Variants in PGM5 observed in about 807,000 individuals in gnomAD.
PGM5 encodes the protein phosphoglucomutase 5.
Under a neutral mutation model 59.2 loss-of-function variants are expected in PGM5, and 23 were observed. The ratio of observed to expected loss-of-function variants is 0.39; its 90% CI spans 0.28 to 0.55. The LOEUF (loss-of-function observed/expected upper bound fraction) is 0.55, where lower values mean the gene tolerates loss of function less well. Among genes scored for constraint, PGM5 ranks in the 20% least tolerant of loss-of-function variants. PGM5 has a pLI of 0.66. For missense variants in PGM5, 574 were observed against 748.3 expected (o/e 0.77, Z 2.72); for synonymous variants, 214 against 286.0 (o/e 0.75, Z 2.54).
intron 6 of PGM5, among the ~76,000 whole-genome samples, chr9:68,453,854 C>T (rs1407416457): frequency 6.6e-6 from 1 of 152,218 alleles, no homozygotes; most frequent in Admixed American, 6.5e-5. Flanking sequence ...AGGCAATATC[C>T]TGTGCTGAGT....
At chr9:68,445,732 C>A (rs1292315494) in intron 6 of PGM5, among the ~76,000 whole-genome samples, 1 of 152,198 alleles carries the variant, frequency 6.6e-6, no homozygotes, top group Non-Finnish European at 1.5e-5. Context: ...TGTATTTGGG[C>A]TCAGCAGTGC....
chr9:68,492,740 T>A (rs1824414753), intron 9 of PGM5, among the ~76,000 whole-genome samples: 1 of 152,190 alleles, frequency 6.6e-6, no homozygotes. Context: ...TTTGGACTCA[T>A]GCTCACAGCT....
At chr9:68,400,765 A>C (rs1186703211) in intron 6 of PGM5, 1 of 152,346 alleles carries the variant, frequency 6.6e-6, no homozygotes, top group African/African-American at 2.4e-5. Context: ...ATTTTTAGTA[A>C]TGATATGTGG....
intron 1 of PGM5, among the ~76,000 whole-genome samples, chr9:68,362,873 T>C (rs1322744823): frequency 1.4e-5 from 2 of 143,216 alleles, no homozygotes; most frequent in Non-Finnish European, 3.1e-5. Context: ...TTCTTTTTTT[T>C]TTTTTTTTTT....
In PGM5 at chr9:68,387,486, A is replaced by T. The variant is rs1554678947; in HGVS notation, c.595A>T (p.Ile199Phe). 2 of 1,611,046 alleles carry T rather than the reference A, an allele frequency of 1.2e-6. No individual in the cohort carries two copies. Among genetic ancestry groups the T allele is most frequent in the Non-Finnish European group, 8.5e-7 (1 of 1,177,612 alleles). The change falls in exon 4 of 11, where the codon ATC (isoleucine) becomes TTC (phenylalanine). Residue 199 changes from isoleucine (I) to phenylalanine (F), a missense_variant. Coordinates refer to ENST00000396396, the MANE Select transcript of PGM5 (RefSeq NM_021965.4). ...FRVEIVDPVD[I>F]YLNLLRTIFD... ...AGTGGAGATAGTGGACCCAGTGGAT[A>T]TCTATCTTAACCTCCTTCGGACCAT...
chr9:68,486,113 T>C (rs1824290794), intron 9 of PGM5, among the ~76,000 whole-genome samples: 1 of 152,202 alleles, frequency 6.6e-6, no homozygotes, highest in Admixed American at 6.5e-5. Context: ...ACTATAGACA[T>C]CTGAAAGACA....
chr9:68,377,471 T>A (rs1289124330), intron 1 of PGM5, among the ~76,000 whole-genome samples: 2 of 152,206 alleles, frequency 1.3e-5, no homozygotes, highest in Non-Finnish European at 2.9e-5. Flanking sequence ...AACTACTAGA[T>A]TGGATGATAT....
intron 10 of PGM5, among the ~76,000 whole-genome samples, chr9:68,513,966 A>G (rs1299081404): frequency 6.6e-6 from 1 of 152,246 alleles, no homozygotes; most frequent in Admixed American, 6.5e-5. Context: ...AAGATTTGAT[A>G]AAAAGCTTAA....
intron 6 of PGM5, among the ~76,000 whole-genome samples, chr9:68,421,523 G>A (rs1554682337): frequency 1.3e-5 from 2 of 152,058 alleles, no homozygotes; most frequent in African/African-American, 4.8e-5. Flanking sequence ...TTCAAGACCA[G>A]CCTGGCCAAC....
intron 6 of PGM5, among the ~76,000 whole-genome samples, chr9:68,415,609 AG>A (rs1823011214): frequency 9.6e-6 from 1 of 104,546 alleles, no homozygotes; most frequent in South Asian, 3.7e-4. Context: ...TCATTTCTGA[AG>A]GAAATGAAAT....
In PGM5 at chr9:68,527,693, T is replaced by C. The variant is rs114613282; in HGVS notation, c.1615-1874T>C. ...ACGGAACCGGAGGAAAGTGCCACTTTCTTGTGTTCTAGATTTTCATTTTTC... is the reference window on the plus strand; with the variant it reads ...ACGGAACCGGAGGAAAGTGCCACTTCCTTGTGTTCTAGATTTTCATTTTTC... On this transcript the variant is annotated intron_variant, in intron 10 of 10. Transcript: ENST00000396396. 4.7e-3 allele frequency among the ~76,000 whole-genome samples: 720 copies of C among 152,204 alleles called. 7 individuals carry two copies. Among genetic ancestry groups the C allele is most frequent in the African/African-American group, 0.017 (692 of 41,538 alleles).
At chr9:68,398,952 C>T (rs1554680293) in intron 6 of PGM5, 1 of 152,076 alleles carries the variant, frequency 6.6e-6, no homozygotes, top group Non-Finnish European at 1.5e-5. Flanking sequence ...CATTTCTTTT[C>T]TCTCTGTTTG....
chr9:68,479,848 G>A (rs1824165652), intron 8 of PGM5, among the ~76,000 whole-genome samples: 1 of 151,338 alleles, frequency 6.6e-6, no homozygotes, highest in Non-Finnish European at 1.5e-5. Flanking sequence ...GCAGGAGAAT[G>A]GCGTGAACCC....
At chr9:68,487,429 TTCTC>T (rs147613742) in intron 9 of PGM5, among the ~76,000 whole-genome samples, 18 of 119,036 alleles carry the variant, frequency 1.5e-4, no homozygotes, top group Non-Finnish European at 2.7e-4. Flanking sequence ...GATACAACTA[TTCTC>T]TCTCTCTCTC....
At chr9:68,524,305 C>G (rs750868508) in intron 10 of PGM5, among the ~76,000 whole-genome samples, 1 of 152,132 alleles carries the variant, frequency 6.6e-6, no homozygotes, top group African/African-American at 2.4e-5. Context: ...GAGAGAGGAT[C>G]CAATACCCCC....
intron 2 of PGM5, among the ~76,000 whole-genome samples, chr9:68,379,113 CAAT>C (rs1822000531): frequency 6.6e-6 from 1 of 152,132 alleles, no homozygotes. Context: ...ACATACCTAA[CAAT>C]AATAACATTA....
intron 1 of PGM5, among the ~76,000 whole-genome samples, chr9:68,362,119 T>C (rs1233381324): frequency 4.8e-5 from 7 of 146,574 alleles, no homozygotes; most frequent in African/African-American, 1.5e-4. Flanking sequence ...TAATTCTATA[T>C]ACATGTTTTA....
chr9:68,454,292 C>T (rs989861083), intron 6 of PGM5, among the ~76,000 whole-genome samples: 6 of 152,178 alleles, frequency 3.9e-5, no homozygotes, highest in Non-Finnish European at 5.9e-5. Context: ...GCTGGTAGCC[C>T]TGATGTTACT....
intron 10 of PGM5, 53 bp downstream of exon 10, chr9:68,499,414 TAG>T: frequency 6.3e-7 from 1 of 1,585,820 alleles, no homozygotes; most frequent in East Asian, 2.3e-5. Flanking sequence ...CTGGCAAATT[TAG>T]AGAGCTCCAT....
Sources: gnomAD v4.1 joint callset for allele counts (sites outside exome capture counted in the v4.1 genomes callset) on GRCh38, gnomAD v4.1.1 for gene constraint, MANE v1.5 for transcripts, NCBI Gene and HGNC (gene_info 2026-07-23, HGNC 2026-07-21) for gene names.